ECI1: variants seen among roughly 807,000 people sequenced by gnomAD.
ECI1 encodes the protein enoyl-CoA delta isomerase 1.
In ECI1, 34 loss-of-function variants were observed where a neutral mutation model predicts 34.2. The ratio of observed to expected loss-of-function variants is 1.00; its 90% confidence interval spans 0.76 to 1.33. The LOEUF is 1.33. ECI1 is among the 40% of genes most tolerant of loss of function. ECI1 has a pLI of 0.00. For synonymous variants in ECI1, 211 were observed against 193.0 expected, an observed-to-expected ratio of 1.09 and a Z score of -0.77; for missense variants, 456 against 422.2, an observed-to-expected ratio of 1.08 and a Z score of -0.70.
intron 6 of ECI1, chr16:2,240,584 T>A (rs961615859): frequency 4.8e-6 from 1 of 207,770 alleles, no homozygotes; most frequent in African/African-American, 2.3e-5. Context: ...AGTGCACTAG[T>A]GATCACGACT....
At chr16:2,246,492 G>C (rs909457312) in intron 3 of ECI1, among the ~76,000 whole-genome samples, 2 of 152,148 alleles carry the variant, frequency 1.3e-5, no homozygotes, top group African/African-American at 2.4e-5. Flanking sequence ...GCCCGGGCAG[G>C]GAAGGCTGTC....
chr16:2,240,082 T>G lies in ECI1; in HGVS notation c.806A>C (p.Gln269Pro). The G allele has an allele frequency of 1.2e-6, 2 of 1,614,016 alleles. No individual in the cohort carries two copies. The highest frequency in any genetic ancestry group is 1.6e-4 in the Middle Eastern group (1 of 6,062). Reference sequence around the variant, plus strand: ...GAAGTTCTGCACGTCCGCATCGCGCTGCGTGACCAGGCGGCTGGCCGTGGC... The same window carrying G: ...GAAGTTCTGCACGTCCGCATCGCGCGGCGTGACCAGGCGGCTGGCCGTGGC... The part of the protein sequence containing the change: ...RKATASRLVT[Q>P]RDADVQNFVS... The change falls in exon 7 of 7, where the codon CAG becomes CCG. Residue 269 changes from glutamine to proline, a missense_variant. Transcript: ENST00000301729.
intron 2 of ECI1, among the ~76,000 whole-genome samples, chr16:2,248,979 GTA>G (rs1567315060): frequency 6.6e-6 from 1 of 151,998 alleles, no homozygotes; most frequent in African/African-American, 2.4e-5. Flanking sequence ...TGTCCACTTA[GTA>G]TCATGTGTTC....
At chr16:2,246,702 C>T (rs116419478) in intron 3 of ECI1, among the ~76,000 whole-genome samples, 157 bp downstream of exon 3, 2,752 of 152,310 alleles carry the variant, frequency 0.018, 73 homozygotes, top group African/African-American at 0.061. Context: ...GGAAGCCTCC[C>T]GTGAAGGCGC....
intron 1 of ECI1, 40 bp downstream of exon 1, chr16:2,251,475 C>T (rs774613604): frequency 6.9e-5 from 107 of 1,541,116 alleles, no homozygotes; most frequent in Non-Finnish European, 8.8e-5. Flanking sequence ...GGTCCTGGCC[C>T]CGGCCCCGGC....
At chr16:2,248,443 C>CTCGCT (rs1195019194) in intron 2 of ECI1, among the ~76,000 whole-genome samples, 1 of 148,486 alleles carries the variant, frequency 6.7e-6, no homozygotes, top group Admixed American at 6.7e-5. Flanking sequence ...AGACAAGAGC[C>CTCGCT]TCGCTCTGTT....
At chr16:2,248,421 A>G (rs1009194910) in intron 2 of ECI1, among the ~76,000 whole-genome samples, 1 of 143,460 alleles carries the variant, frequency 7.0e-6, no homozygotes. Context: ...TTCTATCTTT[A>G]TTTTTTTTTT....
chr16:2,242,716 CAG>C, intron 6 of ECI1: 2 of 409,278 alleles, frequency 4.9e-6, no homozygotes, highest in Non-Finnish European at 9.1e-6. Flanking sequence ...AGGATGGAGG[CAG>C]AGATTAGAGC....
In ECI1 at chr16:2,250,689, G is replaced by C. The variant is rs1409556477; in HGVS notation, c.166+627C>G. 2.0e-5 allele frequency among the ~76,000 whole-genome samples: 3 copies of C among 152,202 alleles called. No homozygotes were observed. The East Asian group carries it at 5.8e-4, about 29-fold the overall frequency. ...GTGGGTTTTACCAAGGGTTCTGACG[G>C]GCGGGTAGGTACGAGGTTCTGTGCC... On this transcript the variant is annotated intron_variant, in intron 2 of 6. Transcript: ENST00000301729.
intron 4 of ECI1, 123 bp from the exon 5 acceptor site, chr16:2,243,562 C>T: frequency 8.3e-7 from 1 of 1,201,986 alleles, no homozygotes; most frequent in Non-Finnish European, 1.2e-6. Context: ...GGGTTCAACA[C>T]CCACAATGGT....
chr16:2,244,313 G>A lies in ECI1; in HGVS notation c.441+93C>T, dbSNP rs1350678287. Reference sequence around the variant, plus strand: ...GCCTCTCCAACCGTCCCCTTCCCCTGTGAGAGATTCCAAGGGCAGGACAGT... The same window carrying A: ...GCCTCTCCAACCGTCCCCTTCCCCTATGAGAGATTCCAAGGGCAGGACAGT... On this transcript the variant is annotated intron_variant, in intron 4 of 6. Coordinates refer to ENST00000301729, the MANE Select transcript of ECI1 (RefSeq NM_001919.4). 2.2e-5 allele frequency: 32 copies of A among 1,434,942 alleles called. 1 individual carries two copies. The highest frequency in any genetic ancestry group is 3.9e-5 in the Admixed American group (2 of 51,594). The allele number at this position is 1,434,942 out of a possible 1,614,324, so 88.9% of individuals were successfully genotyped here.
chr16:2,250,601 G>C (rs1233449089), intron 2 of ECI1, among the ~76,000 whole-genome samples: 2 of 152,196 alleles, frequency 1.3e-5, no homozygotes, highest in African/African-American at 4.8e-5. Context: ...CCCTCAGCTC[G>C]GCCTCCTGTC....
In ECI1 at chr16:2,240,158, G is replaced by C. The variant is rs1188289784; in HGVS notation, c.743-13C>G. The C allele has an allele frequency of 6.2e-7, 1 of 1,612,822 alleles. No individual in the cohort carries two copies. The highest frequency in any genetic ancestry group is 1.7e-5 in the Admixed American group (1 of 60,006). On this transcript the variant is annotated splice_polypyrimidine_tract_variant and intron_variant, in intron 6 of 6. Coordinates refer to ENST00000301729, the MANE Select transcript of ECI1 (RefSeq NM_001919.4). ...TGTCGAGCATGGTCTAAAGAGAATG[G>C]GACGTGCCACTGAAATCCCACTTTC...
At chr16:2,241,068 T>C (rs1030395198) in intron 6 of ECI1, 2 of 151,700 alleles carry the variant, frequency 1.3e-5, no homozygotes, top group Non-Finnish European at 2.9e-5. Context: ...GGCAGGAGAA[T>C]GGCACGAACC....
chr16:2,245,199 T>G (rs1234291612), intron 3 of ECI1, among the ~76,000 whole-genome samples: 1 of 152,140 alleles, frequency 6.6e-6, no homozygotes, highest in Non-Finnish European at 1.5e-5. Flanking sequence ...CACAGCCCCC[T>G]GAGCAAATGA....
At position 2,239,825 on chromosome 16, in the gene ECI1, C is replaced by G; in HGVS notation, c.*154G>C. 1 of 805,624 alleles carries G rather than the reference C, an allele frequency of 1.2e-6. No homozygotes were observed. The highest frequency in any genetic ancestry group is 1.5e-5 in the South Asian group (1 of 67,564). The allele number at this position is 805,624 out of a possible 1,614,324, so 49.9% of individuals were successfully genotyped here. On this transcript the variant is annotated 3_prime_UTR_variant, in exon 7 of 7. Coordinates refer to ENST00000301729, the MANE Select transcript of ECI1 (RefSeq NM_001919.4). ...CCATGTGTGTTTGTGTGTGGCTGGGCCTTGGGCCACTGGGCTATGAGGAAC... is the reference window on the plus strand; with the variant it reads ...CCATGTGTGTTTGTGTGTGGCTGGGGCTTGGGCCACTGGGCTATGAGGAAC...
chr16:2,243,338 C>CA lies in ECI1; in HGVS notation c.542dup (p.Ile183HisfsTer158). On this transcript the variant is annotated frameshift_variant, in exon 5 of 7. Transcript: ENST00000301729. LOFTEE classifies it high-confidence loss of function. ...CTTACCAGAAAGGGGCGATGATGCC[C>CA]AGCTGGGTCTCATTGAGTCCTATGC... The CA allele has an allele frequency of 6.2e-7, 1 of 1,613,716 alleles. No individual in the cohort carries two copies. Among genetic ancestry groups the CA allele is most frequent in the South Asian group, 1.1e-5 (1 of 91,082 alleles).
chr16:2,241,617 G>C (rs1459278353), intron 6 of ECI1: 1 of 152,128 alleles, frequency 6.6e-6, no homozygotes, highest in Non-Finnish European at 1.5e-5. Context: ...TTTTTGAATA[G>C]TTGAAAATCA....
At chr16:2,246,774 C>T (rs986195060) in intron 3 of ECI1, 85 bp downstream of exon 3, 2 of 1,595,786 alleles carry the variant, frequency 1.3e-6, no homozygotes, top group Non-Finnish European at 1.7e-6. Context: ...GGCTCTGCCT[C>T]TTCCATGTGC....
Sources: gnomAD v4.1 joint callset for allele counts (sites outside exome capture counted in the v4.1 genomes callset) on GRCh38, gnomAD v4.1.1 for gene constraint, MANE v1.5 for transcripts, NCBI Gene and HGNC (gene_info 2026-07-23, HGNC 2026-07-21) for gene names.